The following THOC2 variants were observed in gnomAD, a reference collection of about 807,000 sequenced individuals.
THOC2 encodes the protein THO complex 2.
In THOC2, 10 loss-of-function variants were observed where a neutral mutation model predicts 128.4. That is an observed-to-expected ratio of 0.08 (90% CI 0.05 to 0.13). The LOEUF (loss-of-function observed/expected upper bound fraction) is 0.13, where lower values mean the gene tolerates loss of function less well. Among genes scored for constraint, THOC2 ranks in the 10% least tolerant of loss-of-function variants. The pLI is 1.00. For missense variants in THOC2, 535 were observed against 1,155.7 expected (o/e 0.46, Z 7.79); for synonymous variants, 393 against 396.9 (o/e 0.99, Z 0.12).
At chrX:123,708,163 A>G (rs1046928052) in intron 2 of THOC2, among the ~76,000 whole-genome samples, 31 of 111,652 alleles carry the variant, frequency 2.8e-4, no homozygotes, top group African/African-American at 9.1e-4. Flanking sequence ...AAAGGAACAT[A>G]ATAGAAATCA....
chrX:123,654,758 CAAAAAAA>C (rs149260708), intron 12 of THOC2, among the ~76,000 whole-genome samples: 3 of 24,370 alleles, frequency 1.2e-4, no homozygotes, highest in African/African-American at 2.1e-4. Flanking sequence ...GACTCCGTCT[CAAAAAAA>C]AAAAAAAAAA....
At chrX:123,712,210 T>C (rs893881553) in intron 2 of THOC2, among the ~76,000 whole-genome samples, 1 of 111,478 alleles carries the variant, frequency 9.0e-6, no homozygotes, top group African/African-American at 3.3e-5. Context: ...GTAAATGCTT[T>C]ACACTTACTA....
chrX:123,623,664 G>A (rs1462295733), intron 28 of THOC2, 123 bp downstream of exon 28: 7 of 1,178,323 alleles, frequency 5.9e-6, no homozygotes, highest in East Asian at 3.1e-5. Context: ...AAACATGATC[G>A]CATAATCTCC....
At chrX:123,603,909 A>T (rs2147503204) in intron 38 of THOC2, 1 of 132,777 alleles carries the variant, frequency 7.5e-6, no homozygotes, top group African/African-American at 3.2e-5. Flanking sequence ...AGAAAGAGCT[A>T]GCTGTCATCA....
intron 21 of THOC2, 106 bp downstream of exon 21, chrX:123,632,755 A>T: frequency 3.2e-6 from 2 of 624,224 alleles, no homozygotes; most frequent in Non-Finnish European, 5.0e-6. Flanking sequence ...AGGATGTCTC[A>T]TATTCAAATG....
At chrX:123,646,403 A>T (rs1354158872) in intron 12 of THOC2, among the ~76,000 whole-genome samples, 1 of 112,454 alleles carries the variant, frequency 8.9e-6, no homozygotes, top group Non-Finnish European at 1.9e-5. Context: ...AAGTACTGAC[A>T]ACCAGTGACA....
At position 123,651,539 on chromosome X, in the gene THOC2, T is replaced by C. The variant is rs183663097; in HGVS notation, c.1387-6164A>G. Among the ~76,000 whole-genome samples the C allele has an allele frequency of 6.5e-3, 726 of 111,069 alleles. 4 individuals are homozygous for C. Among genetic ancestry groups the C allele is most frequent in the African/African-American group, 0.022 (669 of 30,586 alleles). On this transcript the variant is annotated intron_variant, in intron 12 of 38. Coordinates refer to ENST00000245838, the MANE Select transcript of THOC2 (RefSeq NM_001081550.2). ...TGGTTTTCTGAAAAGATTAACAAAA[T>C]AGACTGCTAGCCAGATTAATAAAGA...
chrX:123,676,292 T>C (rs976678074), intron 8 of THOC2, among the ~76,000 whole-genome samples: 4 of 111,839 alleles, frequency 3.6e-5, no homozygotes, highest in African/African-American at 6.5e-5. Context: ...TAGGCCCCTA[T>C]GTGGGTCCTT....
intron 1 of THOC2, among the ~76,000 whole-genome samples, chrX:123,722,098 T>C (rs1165667583): frequency 8.9e-6 from 1 of 112,286 alleles, no homozygotes; most frequent in Non-Finnish European, 1.9e-5. Context: ...CTGCCGATGA[T>C]ACGCTTTTAC....
At chrX:123,675,825 C>A (rs2049467520) in intron 8 of THOC2, among the ~76,000 whole-genome samples, 3 of 111,671 alleles carry the variant, frequency 2.7e-5, no homozygotes, top group South Asian at 3.7e-4. Context: ...TTCTTCATCA[C>A]GTGTGGCCAC....
chrX:123,617,097 AT>A (rs776192904), intron 33 of THOC2, among the ~76,000 whole-genome samples: 7 of 110,533 alleles, frequency 6.3e-5, no homozygotes, highest in Non-Finnish European at 1.3e-4. Context: ...GTCCAGTGAA[AT>A]TTTTTTTCTA....
rs2049755524 is a variant in THOC2 at position 123,681,057 on chromosome X, T to G, written c.768+5491A>C. 4.5e-5 allele frequency among the ~76,000 whole-genome samples: 5 copies of G among 111,270 alleles called. No homozygotes were observed. In the Admixed American group the frequency reaches 4.8e-4, roughly 11 times the overall value. On this transcript the variant is annotated intron_variant, in intron 8 of 38. Coordinates refer to ENST00000245838, the MANE Select transcript of THOC2 (RefSeq NM_001081550.2). ...GGCTGCTATTAAAGAAACTCCTTAC[T>G]CTGATAGCTCGTAATTAGTGGGAAA... is the stretch of plus-strand genomic sequence containing the variant.
chrX:123,720,599 A>C (rs374947336), intron 1 of THOC2, among the ~76,000 whole-genome samples: 1 of 112,267 alleles, frequency 8.9e-6, no homozygotes, highest in East Asian at 2.8e-4. Flanking sequence ...TCGCACAGAG[A>C]TAGCTGCACT....
intron 34 of THOC2, 48 bp from the exon 35 acceptor site, chrX:123,613,756 G>T: frequency 8.9e-7 from 1 of 1,118,993 alleles, no homozygotes; most frequent in Non-Finnish European, 1.2e-6. Flanking sequence ...TTCTGTTTTT[G>T]TTTTAAAGTA....
intron 10 of THOC2, 22 bp from the exon 11 acceptor site, chrX:123,667,300 T>TA: frequency 8.8e-7 from 1 of 1,139,520 alleles, no homozygotes; most frequent in South Asian, 2.0e-5. Flanking sequence ...TAGTCAAAAC[T>TA]AAGATACTCA....
chrX:123,683,384 T>G (rs751285540), intron 8 of THOC2, among the ~76,000 whole-genome samples: 7 of 110,972 alleles, frequency 6.3e-5, no homozygotes, highest in African/African-American at 2.3e-4. Context: ...CAGGTAGTGA[T>G]GGGAAAGGGG....
intron 12 of THOC2, among the ~76,000 whole-genome samples, chrX:123,646,798 G>A (rs780435203): frequency 9.0e-6 from 1 of 111,649 alleles, no homozygotes; most frequent in Non-Finnish European, 1.9e-5. Context: ...GTTTGGTTTG[G>A]TTTCGGGGTG....
chrX:123,614,036 A>G lies in THOC2; in HGVS notation c.4449+16T>C. On this transcript the variant is annotated intron_variant, in intron 34 of 38. Coordinates refer to ENST00000245838, the MANE Select transcript of THOC2 (RefSeq NM_001081550.2). Reference sequence around the variant, plus strand: ...TAATGAGCTTTCCAAACTAGTTTAAAAAAAATTTTACAAACCCTTTTCCGC... The same window carrying G: ...TAATGAGCTTTCCAAACTAGTTTAAGAAAAATTTTACAAACCCTTTTCCGC... The G allele has an allele frequency of 8.4e-7, 1 of 1,194,977 alleles. No homozygotes were observed. The highest frequency in any genetic ancestry group is 1.7e-5 in the African/African-American group (1 of 57,256).
intron 12 of THOC2, among the ~76,000 whole-genome samples, chrX:123,651,720 C>A (rs1437271475): frequency 1.9e-5 from 2 of 107,075 alleles, no homozygotes; most frequent in Non-Finnish European, 3.8e-5. Context: ...TTCCTGGACA[C>A]ATACGCCCCC....
Sources: gnomAD v4.1 joint callset for allele counts (sites outside exome capture counted in the v4.1 genomes callset) on GRCh38, gnomAD v4.1.1 for gene constraint, MANE v1.5 for transcripts, NCBI Gene and HGNC (gene_info 2026-07-23, HGNC 2026-07-21) for gene names.